The following ADGRL3 variants were observed in gnomAD, a reference collection of about 807,000 sequenced individuals.
The protein encoded by ADGRL3 is adhesion G protein-coupled receptor L3.
A neutral mutation model predicts 153.5 loss-of-function variants in ADGRL3; 62 were observed. That is an observed-to-expected ratio of 0.40 (90% confidence interval 0.33 to 0.50). The LOEUF is 0.50. Ranked by LOEUF, ADGRL3 falls within the 20% of genes least tolerant of loss-of-function variation. The pLI is 0.47. For missense variants in ADGRL3, 1,641 were observed against 1,859.4 expected (o/e 0.88, Z 2.16); for synonymous variants, 710 against 672.5 (o/e 1.06, Z -0.86).
At chr4:61,919,333 T>G (rs558246275) in intron 13 of ADGRL3, among the ~76,000 whole-genome samples, 46 of 152,324 alleles carry the variant, frequency 3.0e-4, no homozygotes, top group African/African-American at 1.1e-3. Context: ...TTCTTGTGGT[T>G]TGGTAACCCT....
intron 1 of ADGRL3, among the ~76,000 whole-genome samples, chr4:61,335,493 A>G (rs1287185297): frequency 6.6e-6 from 1 of 152,184 alleles, no homozygotes; most frequent in Non-Finnish European, 1.5e-5. Context: ...TTCAGGACTG[A>G]TGTTCCTGTT....
intron 2 of ADGRL3, among the ~76,000 whole-genome samples, chr4:61,492,108 C>A (rs1297240609): frequency 6.6e-6 from 1 of 152,076 alleles, no homozygotes; most frequent in Non-Finnish European, 1.5e-5. Flanking sequence ...GGTCTATATA[C>A]CAATTCACCA....
At chr4:61,388,435 T>C (rs2096765504) in intron 2 of ADGRL3, among the ~76,000 whole-genome samples, 1 of 152,196 alleles carries the variant, frequency 6.6e-6, no homozygotes, top group African/African-American at 2.4e-5. Flanking sequence ...ACCAAAGTTT[T>C]CAAAATAAGA....
At chr4:61,520,169 T>C (rs924255507) in intron 4 of ADGRL3, among the ~76,000 whole-genome samples, 1 of 152,152 alleles carries the variant, frequency 6.6e-6, no homozygotes. Flanking sequence ...TAAAAATAGT[T>C]CTCCTAAGTT....
chr4:61,468,323 T>A (rs2097908832), intron 2 of ADGRL3, among the ~76,000 whole-genome samples: 1 of 152,170 alleles, frequency 6.6e-6, no homozygotes, highest in African/African-American at 2.4e-5. Context: ...TTCAGCTTTT[T>A]TCCTGACTTT....
At chr4:61,960,406 G>C (rs1305852960) in intron 17 of ADGRL3, among the ~76,000 whole-genome samples, 1 of 152,088 alleles carries the variant, frequency 6.6e-6, no homozygotes, top group African/African-American at 2.4e-5. Flanking sequence ...TGTGGTTGGA[G>C]TGGAAAAAGT....
At chr4:61,399,336 T>C (rs896203993) in intron 2 of ADGRL3, among the ~76,000 whole-genome samples, 27 of 151,680 alleles carry the variant, frequency 1.8e-4, no homozygotes, top group Non-Finnish European at 1.5e-4. Context: ...CTTATTAATT[T>C]AGCCATAACT....
intron 8 of ADGRL3, among the ~76,000 whole-genome samples, chr4:61,740,385 AG>A (rs2096568192): frequency 6.6e-6 from 1 of 152,156 alleles, no homozygotes; most frequent in South Asian, 2.1e-4. Context: ...AGCTGGTGGG[AG>A]GGGGTCAGAT....
intron 21 of ADGRL3, among the ~76,000 whole-genome samples, chr4:62,007,471 T>A (rs1485545722): frequency 1.5e-5 from 2 of 129,298 alleles, no homozygotes; most frequent in Non-Finnish European, 3.3e-5. Context: ...TATGTGTGTG[T>A]ATATATATAT....
intron 21 of ADGRL3, among the ~76,000 whole-genome samples, chr4:62,018,221 A>C (rs1309601300): frequency 6.6e-6 from 1 of 152,130 alleles, no homozygotes; most frequent in African/African-American, 2.4e-5. Flanking sequence ...GCTCCCTGTG[A>C]TGGAGTCTAG....
At chr4:61,903,752 T>G (rs1289950208) in intron 11 of ADGRL3, among the ~76,000 whole-genome samples, 2 of 151,682 alleles carry the variant, frequency 1.3e-5, no homozygotes, top group Non-Finnish European at 2.9e-5. Context: ...CTTTTTATAT[T>G]TTTACTATAA....
chr4:61,629,336 A>G (rs2093014771), intron 5 of ADGRL3, among the ~76,000 whole-genome samples: 1 of 152,064 alleles, frequency 6.6e-6, no homozygotes, highest in Non-Finnish European at 1.5e-5. Context: ...TTTGCAGTTT[A>G]ACAACATAAA....
intron 2 of ADGRL3, among the ~76,000 whole-genome samples, chr4:61,403,540 C>T (rs1171859794): frequency 6.6e-6 from 1 of 152,058 alleles, no homozygotes; most frequent in Non-Finnish European, 1.5e-5. Flanking sequence ...CATACCTTCC[C>T]TTATGCATCT....
At chr4:61,844,575 A>AAAAAATATATATATATATATAT in intron 9 of ADGRL3, among the ~76,000 whole-genome samples, 2 of 18,102 alleles carry the variant, frequency 1.1e-4, no homozygotes, top group Admixed American at 1.4e-3. Context: ...AAAAAAAAAA[A>AAAAAATATATATATATATATAT]ATATATATAT....
chr4:61,399,980 T>A (rs2096911008), intron 2 of ADGRL3, among the ~76,000 whole-genome samples: 1 of 151,738 alleles, frequency 6.6e-6, no homozygotes, highest in African/African-American at 2.4e-5. Context: ...CCAAGGCATA[T>A]GATCAGTGCA....
intron 1 of ADGRL3, among the ~76,000 whole-genome samples, chr4:61,237,063 A>T (rs368586770): frequency 1.3e-5 from 2 of 152,084 alleles, no homozygotes; most frequent in South Asian, 4.1e-4. Flanking sequence ...CCCAATTCAT[A>T]TTTTTATATT....
At chr4:61,910,414 G>T (rs1487196168) in intron 12 of ADGRL3, among the ~76,000 whole-genome samples, 1 of 150,932 alleles carries the variant, frequency 6.6e-6, no homozygotes, top group East Asian at 1.9e-4. Context: ...TACATTTTAT[G>T]AATTTTCATT....
intron 13 of ADGRL3, among the ~76,000 whole-genome samples, chr4:61,929,804 C>A (rs1041033898): frequency 6.6e-6 from 1 of 152,130 alleles, no homozygotes; most frequent in Non-Finnish European, 1.5e-5. Flanking sequence ...CCCCGCCCCC[C>A]AGTTGTGCTA....
At chr4:61,883,681 C>T (rs1367348400) in intron 9 of ADGRL3, among the ~76,000 whole-genome samples, 1 of 152,036 alleles carries the variant, frequency 6.6e-6, no homozygotes, top group Non-Finnish European at 1.5e-5. Context: ...TTCTAATAGT[C>T]TCATTATTTT....
Sources: allele counts gnomAD v4.1 joint callset (sites outside exome capture counted in the v4.1 genomes callset), GRCh38; gene constraint gnomAD v4.1.1; transcripts MANE v1.5; gene names NCBI Gene and HGNC (gene_info 2026-07-23, HGNC 2026-07-21).